Variants in NUP210 observed in about 807,000 individuals in gnomAD.
NUP210 encodes nucleoporin 210, also known as nuclear pore membrane glycoprotein 210.
Under a neutral mutation model 196.0 loss-of-function variants are expected in NUP210, and 151 were observed. The observed-to-expected ratio is 0.77, with a 90% CI of 0.67 to 0.88. NUP210 has a LOEUF of 0.88. Ranked by LOEUF, NUP210 falls within the 40% of genes least tolerant of loss-of-function variation. The pLI, the probability that NUP210 is intolerant of heterozygous loss-of-function variation, is 0.00. For missense variants in NUP210, 2,314 were observed against 2,493.7 expected (o/e 0.93, Z 1.53); for synonymous variants, 1,070 against 1,052.7 (o/e 1.02, Z -0.32).
At chr3:13,407,094 G>A (rs2124956996) in intron 1 of NUP210, among the ~76,000 whole-genome samples, 1 of 152,246 alleles carries the variant, frequency 6.6e-6, no homozygotes, top group East Asian at 1.9e-4. Context: ...CTGCACAATA[G>A]GAATGAAAAT....
chr3:13,403,245 T>C (rs554256932), intron 1 of NUP210, among the ~76,000 whole-genome samples: 37 of 152,156 alleles, frequency 2.4e-4, no homozygotes, highest in African/African-American at 8.4e-4. Flanking sequence ...ACAACAGAAA[T>C]GTATTGCTCA....
At chr3:13,321,514 TCC>T in intron 36 of NUP210, 69 bp downstream of exon 36, 1 of 1,528,560 alleles carries the variant, frequency 6.5e-7, no homozygotes, top group Admixed American at 1.8e-5. Flanking sequence ...CACACCACAT[TCC>T]CTCTTCCTCC....
chr3:13,390,156 T>C (rs1699439770), intron 4 of NUP210, among the ~76,000 whole-genome samples: 1 of 152,142 alleles, frequency 6.6e-6, no homozygotes, highest in Non-Finnish European at 1.5e-5. Context: ...GTGCCATGAC[T>C]GCATGGTGGC....
intron 6 of NUP210, among the ~76,000 whole-genome samples, chr3:13,382,886 T>A (rs1428042748): frequency 6.6e-6 from 1 of 152,152 alleles, no homozygotes; most frequent in Non-Finnish European, 1.5e-5. Flanking sequence ...AACTCATGCC[T>A]ATTATTCCAG....
chr3:13,332,423 G>A lies in NUP210; in HGVS notation c.3844-39C>T, dbSNP rs962874823. The A allele has an allele frequency of 2.7e-6, 4 of 1,494,902 alleles. No individual in the cohort carries two copies. The Admixed American group carries it at 5.0e-5, about 19-fold the overall frequency. The allele number at this position is 1,494,902 out of a possible 1,614,324, so 92.6% of individuals were successfully genotyped here. A position where few individuals can be genotyped will look rare whatever the true frequency, so the allele number is the denominator to read the frequency against. On this transcript the variant is annotated intron_variant, in intron 28 of 39. Transcript: ENST00000254508. Reference sequence around the variant, plus strand: ...CAAGTTTCACTTCCGATGGGGCACTGGAGTCACATTCAGGCCAGATGTCTG... The same window carrying A: ...CAAGTTTCACTTCCGATGGGGCACTAGAGTCACATTCAGGCCAGATGTCTG...
chr3:13,317,239 C>G lies in NUP210; in HGVS notation c.*442G>C, dbSNP rs1214942019. The G allele has an allele frequency of 5.7e-6, 1 of 176,244 alleles. No individual in the cohort carries two copies. Among genetic ancestry groups the G allele is most frequent in the Non-Finnish European group, 1.2e-5 (1 of 82,468 alleles). The allele number at this position is 176,244 out of a possible 1,614,324, so 10.9% of individuals were successfully genotyped here. On this transcript the variant is annotated 3_prime_UTR_variant, in exon 40 of 40. Coordinates refer to ENST00000254508, the MANE Select transcript of NUP210 (RefSeq NM_024923.4). Reference sequence around the variant, plus strand: ...GTAAGTTTTCACAGGGGGAAAAACCCCACCAAAAACCCCCTAAAGTAACTG... The same window carrying G: ...GTAAGTTTTCACAGGGGGAAAAACCGCACCAAAAACCCCCTAAAGTAACTG...
intron 39 of NUP210, among the ~76,000 whole-genome samples, chr3:13,318,563 G>A (rs1434843895): frequency 6.6e-6 from 1 of 152,200 alleles, no homozygotes; most frequent in Admixed American, 6.5e-5. Flanking sequence ...TACAGGCTGG[G>A]CACTGCATTG....
At chr3:13,389,765 AG>A (rs1181355742) in intron 4 of NUP210, among the ~76,000 whole-genome samples, 1 of 152,252 alleles carries the variant, frequency 6.6e-6, no homozygotes, top group African/African-American at 2.4e-5. Context: ...ATGAAAGACC[AG>A]ACAGTAAACT....
Position 13,321,612 on chromosome 3 carries a change from ACCAAAGACCCTGAT to A in NUP210, c.5125_5138del (p.Ile1709CysfsTer227). ...CCAAGTTCTCCAGAACCTCCGGGGC[ACCAAAGACCCTGAT>A]CTCGGAACTGGTGTAGTGGTTGCTC... On this transcript the variant is annotated frameshift_variant, in exon 36 of 40. Transcript: ENST00000254508. LOFTEE classifies it high-confidence loss of function. 6.2e-7 allele frequency: 1 copy of A among 1,614,008 alleles called. No homozygotes were observed. The highest frequency in any genetic ancestry group is 8.5e-7 in the Non-Finnish European group (1 of 1,179,918).
chr3:13,343,327 A>AG (rs1553598265), intron 20 of NUP210, 24 bp from the exon 21 acceptor site: 5 of 184,492 alleles, frequency 2.7e-5, no homozygotes, highest in Admixed American at 6.7e-5. Context: ...GCGGAGGTGG[A>AG]GGGGTGGGTG....
At chr3:13,411,104 C>T (rs1700162647) in intron 1 of NUP210, among the ~76,000 whole-genome samples, 1 of 151,958 alleles carries the variant, frequency 6.6e-6, no homozygotes, top group Admixed American at 6.6e-5. Context: ...TGGTGGCTCA[C>T]ATCTATAGTC....
chr3:13,378,288 A>G (rs941379531), intron 8 of NUP210, among the ~76,000 whole-genome samples: 1 of 152,208 alleles, frequency 6.6e-6, no homozygotes, highest in African/African-American at 2.4e-5. Flanking sequence ...TACACTCTGA[A>G]GCCTGTCACT....
intron 1 of NUP210, among the ~76,000 whole-genome samples, chr3:13,418,599 C>A (rs890622873): frequency 1.3e-4 from 20 of 151,894 alleles, no homozygotes; most frequent in African/African-American, 4.4e-4. Context: ...ACCAGCCTGG[C>A]CAACATAGTG....
chr3:13,382,352 G>A (rs1242992023), intron 6 of NUP210, among the ~76,000 whole-genome samples: 2 of 152,318 alleles, frequency 1.3e-5, no homozygotes, highest in South Asian at 4.1e-4. Context: ...ATAAGCCTCA[G>A]GAGCCTGTCT....
intron 4 of NUP210, among the ~76,000 whole-genome samples, chr3:13,388,906 G>T (rs948502120): frequency 2.0e-5 from 3 of 152,202 alleles, no homozygotes; most frequent in Non-Finnish European, 4.4e-5. Context: ...GCCCAGCTCT[G>T]GGGAACGATT....
Position 13,348,746 on chromosome 3 carries a change from C to G in NUP210, c.2835+3133G>C. ...GGGCGTCCTGCCATCCAAGGGTCTG[C>G]CTCTGAGAAGAACAGGAACAGTGGG... On this transcript the variant is annotated intron_variant, in intron 20 of 39. Coordinates refer to ENST00000254508, the MANE Select transcript of NUP210 (RefSeq NM_024923.4). The surrounding 1 kb of genome is among the most constrained non-coding windows in gnomAD (Gnocchi z 4.0). The G allele has an allele frequency of 2.0e-6, 2 of 985,364 alleles. No homozygotes were observed. The highest frequency in any genetic ancestry group is 1.1e-4 in the East Asian group (1 of 8,804). 61.0% of individuals were successfully genotyped at this position (985,364 alleles called of 1,614,324 possible). A position where few individuals can be genotyped will look rare whatever the true frequency, so the allele number is the denominator to read the frequency against.
At position 13,319,305 on chromosome 3, in the gene NUP210, G is replaced by T; in HGVS notation, c.5404C>A (p.His1802Asn). The T allele has an allele frequency of 1.2e-6, 2 of 1,610,652 alleles. No homozygotes were observed. Among genetic ancestry groups the T allele is most frequent in the South Asian group, 1.1e-5 (1 of 90,320 alleles). Residue 1802 changes from histidine (H) to asparagine (N), a missense_variant, in exon 38 of 40, where the codon CAC (histidine) becomes AAC (asparagine). Physicochemically the swap from His to Asn is moderately conservative, Grantham distance 68. Transcript: ENST00000254508. ...ATGACCTGGTAGGAATCCAGGAAGT[G>T]CTGGAAGAGGCTGGCTCCATCTGCC... ...PGPYGASLFQ[H>N]FLDSYQVMFF...
intron 20 of NUP210, among the ~76,000 whole-genome samples, chr3:13,351,258 G>T (rs2124877410): frequency 6.6e-6 from 1 of 152,368 alleles, no homozygotes; most frequent in Non-Finnish European, 1.5e-5. Context: ...AGGAAAAATA[G>T]AGAAAGGTGA....
intron 16 of NUP210, among the ~76,000 whole-genome samples, chr3:13,357,297 C>T (rs1345724115): frequency 2.0e-5 from 3 of 152,200 alleles, no homozygotes; most frequent in African/African-American, 4.8e-5. Context: ...CTCGCACATG[C>T]CCTCCTCAGA....
Sources: allele counts gnomAD v4.1 joint callset (sites outside exome capture counted in the v4.1 genomes callset), GRCh38; gene constraint gnomAD v4.1.1; non-coding constraint Gnocchi (gnomAD v3.1); transcripts MANE v1.5; gene names NCBI Gene and HGNC (gene_info 2026-07-23, HGNC 2026-07-21).